Variants in THSD7B observed in about 807,000 individuals in gnomAD.
THSD7B encodes thrombospondin type 1 domain containing 7B.
A neutral mutation model predicts 213.6 loss-of-function variants in THSD7B; 138 were observed. That is an observed-to-expected ratio of 0.65 (90% CI 0.56 to 0.74). The LOEUF is 0.74. Ranked by LOEUF, THSD7B falls within the 30% of genes least tolerant of loss-of-function variation. The probability of loss-of-function intolerance (pLI) is 0.00; values close to 1 mark genes in which losing one functional copy is unlikely to be tolerated. For missense variants in THSD7B, 1,931 were observed against 1,991.5 expected (o/e 0.97, Z 0.58); for synonymous variants, 742 against 687.0 (o/e 1.08, Z -1.25).
At position 137,170,555 on chromosome 2, in the gene THSD7B, C is replaced by T. The variant is rs79922377; in HGVS notation, c.1526-186C>T. Among the ~76,000 whole-genome samples, 1,328 of 152,216 alleles carry T rather than the reference C, an allele frequency of 8.7e-3. 22 individuals carry two copies. Among genetic ancestry groups the T allele is most frequent in the African/African-American group, 0.03 (1,254 of 41,526 alleles). On this transcript the variant is annotated intron_variant, in intron 6 of 27. Transcript: ENST00000409968. Reference sequence around the variant, plus strand: ...GGAAGACAGATTTCCTGCTTTTATTCTTTCCCATTCTCTTTTTTTTCTACA... The same window carrying T: ...GGAAGACAGATTTCCTGCTTTTATTTTTTCCCATTCTCTTTTTTTTCTACA...
At chr2:136,859,273 C>T (rs1041271517) in intron 1 of THSD7B, among the ~76,000 whole-genome samples, 1 of 152,122 alleles carries the variant, frequency 6.6e-6, no homozygotes, top group Non-Finnish European at 1.5e-5. Flanking sequence ...TAAAAAGGAA[C>T]AAACATTACC....
intron 3 of THSD7B, among the ~76,000 whole-genome samples, chr2:137,067,411 C>T (rs906520253): frequency 6.6e-6 from 1 of 151,856 alleles, no homozygotes; most frequent in Non-Finnish European, 1.5e-5. Flanking sequence ...TGTTTTTGTT[C>T]ATTTTCTGTT....
chr2:136,864,803 T>C (rs1182966696), intron 1 of THSD7B, among the ~76,000 whole-genome samples: 1 of 152,138 alleles, frequency 6.6e-6, no homozygotes, highest in East Asian at 1.9e-4. Flanking sequence ...CCGCCCACCT[T>C]GGCCTCCCAA....
At chr2:136,933,423 A>G (rs1558857887) in intron 2 of THSD7B, among the ~76,000 whole-genome samples, 1 of 152,068 alleles carries the variant, frequency 6.6e-6, no homozygotes, top group Non-Finnish European at 1.5e-5. Context: ...AAAAAAGAAT[A>G]CAATAATTAG....
intron 2 of THSD7B, among the ~76,000 whole-genome samples, chr2:137,019,789 A>G (rs796560706): frequency 1.9e-4 from 29 of 152,300 alleles, no homozygotes; most frequent in African/African-American, 5.1e-4. Flanking sequence ...TAGATTCTCT[A>G]TAAATGTGAT....
chr2:136,808,645 T>C (rs1024230524), intron 1 of THSD7B, among the ~76,000 whole-genome samples: 1 of 152,220 alleles, frequency 6.6e-6, no homozygotes, highest in Admixed American at 6.5e-5. Flanking sequence ...CCACTGGCAA[T>C]GAATGAGAGT....
chr2:137,140,652 T>C (rs557478699), intron 5 of THSD7B, among the ~76,000 whole-genome samples: 18 of 152,256 alleles, frequency 1.2e-4, no homozygotes, highest in African/African-American at 4.1e-4. Flanking sequence ...TGGAGTTTAT[T>C]TTTAAGATAA....
chr2:137,268,806 A>T (rs1445449416), intron 10 of THSD7B, among the ~76,000 whole-genome samples: 4 of 152,104 alleles, frequency 2.6e-5, no homozygotes, highest in Non-Finnish European at 5.9e-5. Flanking sequence ...TTCAAGATGG[A>T]GTTGCTCTGG....
At chr2:137,040,683 G>A (rs139737564) in intron 2 of THSD7B, among the ~76,000 whole-genome samples, 16 of 152,114 alleles carry the variant, frequency 1.1e-4, no homozygotes, top group Middle Eastern at 3.4e-3. Flanking sequence ...ATGAGCCACC[G>A]CGCTCAGCAG....
intron 22 of THSD7B, 94 bp downstream of exon 22, chr2:137,655,754 T>C: frequency 7.4e-7 from 1 of 1,343,332 alleles, no homozygotes; most frequent in Non-Finnish European, 9.9e-7. Flanking sequence ...TCATCAAAAT[T>C]AAAGTTTTTA....
At chr2:137,233,680 A>T (rs1259191861) in intron 9 of THSD7B, among the ~76,000 whole-genome samples, 1 of 152,214 alleles carries the variant, frequency 6.6e-6, no homozygotes, top group Non-Finnish European at 1.5e-5. Context: ...GTAGCAAAAT[A>T]TGGGCTTGGA....
At chr2:137,103,852 T>C (rs189839609) in intron 4 of THSD7B, among the ~76,000 whole-genome samples, 1 of 152,276 alleles carries the variant, frequency 6.6e-6, no homozygotes, top group Admixed American at 6.5e-5. Flanking sequence ...TAAATATATA[T>C]GCACTTAACA....
At chr2:136,865,871 A>G (rs1433099491) in intron 1 of THSD7B, among the ~76,000 whole-genome samples, 2 of 152,168 alleles carry the variant, frequency 1.3e-5, no homozygotes, top group African/African-American at 4.8e-5. Context: ...ATCCCACCTA[A>G]GTTTATTCAG....
chr2:137,152,026 T>G (rs915234690), intron 5 of THSD7B, among the ~76,000 whole-genome samples: 14 of 101,942 alleles, frequency 1.4e-4, no homozygotes, highest in Non-Finnish European at 2.6e-4. Context: ...TTTTTTTTTT[T>G]GTCATTCTTT....
chr2:137,672,839 A>T (rs977183125), intron 27 of THSD7B, among the ~76,000 whole-genome samples: 1 of 152,142 alleles, frequency 6.6e-6, no homozygotes, highest in Admixed American at 6.5e-5. Context: ...AACATCTACC[A>T]TTAGTGTTTG....
intron 7 of THSD7B, among the ~76,000 whole-genome samples, chr2:137,201,608 A>G (rs1680876848): frequency 6.6e-6 from 1 of 152,202 alleles, no homozygotes; most frequent in Non-Finnish European, 1.5e-5. Context: ...TTAAAAAATA[A>G]ACAAAAAACA....
intron 12 of THSD7B, among the ~76,000 whole-genome samples, chr2:137,396,556 C>A (rs1260639154): frequency 7.0e-6 from 1 of 142,382 alleles, no homozygotes; most frequent in African/African-American, 2.6e-5. Flanking sequence ...TGTTCTTTTA[C>A]ATTTGCTGAG....
intron 1 of THSD7B, among the ~76,000 whole-genome samples, chr2:136,803,997 T>C (rs1193229073): frequency 2.0e-5 from 3 of 152,188 alleles, no homozygotes; most frequent in African/African-American, 4.8e-5. Context: ...TCAATTCAAA[T>C]GGTAATGTCT....
At chr2:137,494,528 C>A (rs1207792836) in intron 15 of THSD7B, among the ~76,000 whole-genome samples, 6 of 152,086 alleles carry the variant, frequency 3.9e-5, no homozygotes, top group Non-Finnish European at 5.9e-5. Context: ...TTTCTGTGTT[C>A]CATTTTCCTG....
Sources: gnomAD v4.1 joint callset for allele counts (sites outside exome capture counted in the v4.1 genomes callset) on GRCh38, gnomAD v4.1.1 for gene constraint, MANE v1.5 for transcripts, NCBI Gene and HGNC (gene_info 2026-07-23, HGNC 2026-07-21) for gene names.